The following SDHD variants were observed in gnomAD, a reference collection of about 807,000 sequenced individuals.
SDHD encodes the protein succinate dehydrogenase complex subunit D.
SDHD carries 6 observed loss-of-function variants against 18.7 expected under a neutral mutation model. The observed-to-expected ratio is 0.32, with a 90% CI of 0.18 to 0.63. The LOEUF (loss-of-function observed/expected upper bound fraction) is 0.63, where lower values mean the gene tolerates loss of function less well. SDHD is among the 30% of genes least tolerant of loss of function. The pLI, the probability that SDHD is intolerant of heterozygous loss-of-function variation, is 0.79. For missense variants in SDHD, 160 were observed against 192.7 expected (o/e 0.83, Z 1.00); for synonymous variants, 56 against 73.9 (o/e 0.76, Z 1.24).
At position 112,095,570 on chromosome 11, in the gene SDHD, G is replaced by T. The variant is rs1865827675; in HGVS notation, c.*600G>T. On this transcript the variant is annotated 3_prime_UTR_variant, in exon 4 of 4. Coordinates refer to ENST00000375549, the MANE Select transcript of SDHD (RefSeq NM_003002.4). Reference sequence around the variant, plus strand: ...CTGAATATACAGAAGTTCCATTTAAGGGCAAGTTTCCCTGTAGATGTATCA... The same window carrying T: ...CTGAATATACAGAAGTTCCATTTAATGGCAAGTTTCCCTGTAGATGTATCA... 3 of 231,036 alleles carry T rather than the reference G, an allele frequency of 1.3e-5. No homozygotes were observed. The South Asian group carries it at 5.4e-4, about 41-fold the overall frequency. 14.3% of individuals were successfully genotyped at this position (231,036 alleles called of 1,614,324 possible).
chr11:112,091,233 GGTCTT>G, intron 3 of SDHD: 1 of 301,484 alleles, frequency 3.3e-6, no homozygotes, highest in Non-Finnish European at 4.9e-6. Context: ...TATTAATTGG[GGTCTT>G]ATCCCAACTA....
At position 112,086,974 on chromosome 11, in the gene SDHD, C is replaced by T. The variant is rs1486681280; in HGVS notation, c.52+15C>T. 15 of 1,614,034 alleles carry T rather than the reference C, an allele frequency of 9.3e-6. No individual in the cohort carries two copies. Among genetic ancestry groups the T allele is most frequent in the Non-Finnish European group, 9.3e-6 (11 of 1,179,916 alleles). On this transcript the variant is annotated intron_variant, in intron 1 of 3. Coordinates refer to ENST00000375549, the MANE Select transcript of SDHD (RefSeq NM_003002.4). Reference sequence around the variant, plus strand: ...AGGAGGCCGAGGTGAGGGGTCTTCCCACCCTGAGGTGCTTAGCGTAGCCTC... The same window carrying T: ...AGGAGGCCGAGGTGAGGGGTCTTCCTACCCTGAGGTGCTTAGCGTAGCCTC...
In SDHD at chr11:112,095,244, A is replaced by G. The variant is rs930494606; in HGVS notation, c.*274A>G. ...GACTCACAGTATAACTAAACATGAT[A>G]TATCAGCTTTTGCCTTTCAATTTAT... On this transcript the variant is annotated 3_prime_UTR_variant, in exon 4 of 4. Coordinates refer to ENST00000375549, the MANE Select transcript of SDHD (RefSeq NM_003002.4). The G allele has an allele frequency of 1.9e-5, 9 of 472,554 alleles. No homozygotes were observed. The highest frequency in any genetic ancestry group is 1.5e-4 in the African/African-American group (8 of 51,806). 29.3% of individuals were successfully genotyped at this position (472,554 alleles called of 1,614,324 possible).
rs547347295 is a variant in SDHD, at chr11:112,091,099, C to A, written c.314+2088C>A. 119 of 980,736 alleles carry A rather than the reference C, an allele frequency of 1.2e-4. 1 individual carries two copies. In the South Asian group the frequency reaches 4.3e-3, roughly 35 times the overall value. 60.8% of individuals were successfully genotyped at this position (980,736 alleles called of 1,614,324 possible). ...CACAGACCTTTCCAAATAAAAGATT[C>A]CAGTTGCATATGAAATATTAGATCA... On this transcript the variant is annotated intron_variant, in intron 3 of 3. Coordinates refer to ENST00000375549, the MANE Select transcript of SDHD (RefSeq NM_003002.4).
At chr11:112,091,604 C>T (rs1275524649) in intron 3 of SDHD, among the ~76,000 whole-genome samples, 1 of 152,114 alleles carries the variant, frequency 6.6e-6, no homozygotes, top group East Asian at 1.9e-4. Flanking sequence ...GATAGTTATC[C>T]CAGATCTAAC....
At chr11:112,091,168 A>G (rs1865739185) in intron 3 of SDHD, 1 of 844,402 alleles carries the variant, frequency 1.2e-6, no homozygotes, top group African/African-American at 1.8e-5. Context: ...ATCCCTCTTG[A>G]AGGAGCTGTC....
At chr11:112,093,159 C>CCT in intron 3 of SDHD, 2 of 381,626 alleles carry the variant, frequency 5.2e-6, no homozygotes, top group South Asian at 1.8e-5. Flanking sequence ...CTCCGCCTTT[C>CCT]GGGTTCAAGC....
rs1259970180 is a variant in SDHD at position 112,095,617 on chromosome 11, G to A, written c.*647G>A. ...ATCAAAATACTACCAACTGTAAATT[G>A]AGATTTAATTCCCAAATGTATTCTA... On this transcript the variant is annotated 3_prime_UTR_variant, in exon 4 of 4. Transcript: ENST00000375549. The A allele has an allele frequency of 1.3e-5, 3 of 228,198 alleles. No individual in the cohort carries two copies. The highest frequency in any genetic ancestry group is 2.6e-5 in the Non-Finnish European group (3 of 115,242). 14.1% of individuals were successfully genotyped at this position (228,198 alleles called of 1,614,324 possible). A position where few individuals can be genotyped will look rare whatever the true frequency, so the allele number is the denominator to read the frequency against.
At chr11:112,089,142 A>T in intron 3 of SDHD, 131 bp downstream of exon 3, 3 of 858,580 alleles carry the variant, frequency 3.5e-6, no homozygotes, top group Non-Finnish European at 5.6e-6. Flanking sequence ...ATATATATAA[A>T]ATATGTATAT....
At chr11:112,090,025 G>C (rs1362464158) in intron 3 of SDHD, among the ~76,000 whole-genome samples, 1 of 152,042 alleles carries the variant, frequency 6.6e-6, no homozygotes, top group Middle Eastern at 3.2e-3. Flanking sequence ...CTAGAGCCTA[G>C]AACTACTCTC....
In SDHD at chr11:112,095,494, T is replaced by C. The variant is rs1233979683; in HGVS notation, c.*524T>C. 1 of 236,150 alleles carries C rather than the reference T, an allele frequency of 4.2e-6. No individual in the cohort carries two copies. The highest frequency in any genetic ancestry group is 2.2e-5 in the African/African-American group (1 of 45,296). The allele number at this position is 236,150 out of a possible 1,614,324, so 14.6% of individuals were successfully genotyped here. A position where few individuals can be genotyped will look rare whatever the true frequency, so the allele number is the denominator to read the frequency against. On this transcript the variant is annotated 3_prime_UTR_variant, in exon 4 of 4. Transcript: ENST00000375549. ...AAATTTTAAAATTAGGAAATGCTGA[T>C]AGCTCATATTATAAATTTCTAAATC...
In SDHD at chr11:112,095,032, C is replaced by T. The variant is rs748029236; in HGVS notation, c.*62C>T. On this transcript the variant is annotated 3_prime_UTR_variant, in exon 4 of 4. Transcript: ENST00000375549. ...CCTCTTTGCCTCTGCTTTGTCATGC[C>T]ATTAAGCTCACAATAAGGAAGAAAT... 7.5e-7 allele frequency: 1 copy of T among 1,336,458 alleles called. No individual in the cohort carries two copies. Among genetic ancestry groups the T allele is most frequent in the South Asian group, 1.2e-5 (1 of 85,098 alleles). The allele number at this position is 1,336,458 out of a possible 1,614,324, so 82.8% of individuals were successfully genotyped here.
In SDHD at chr11:112,095,691, T is replaced by G. The variant is rs1439458162; in HGVS notation, c.*721T>G. On this transcript the variant is annotated 3_prime_UTR_variant, in exon 4 of 4. Coordinates refer to ENST00000375549, the MANE Select transcript of SDHD (RefSeq NM_003002.4). ...CAAATATAAAACTATAAGTAATAAA[T>G]TGTTATTTTCGCACAATGGGAATCT... The G allele has an allele frequency of 9.1e-6, 2 of 220,688 alleles. No individual in the cohort carries two copies. The highest frequency in any genetic ancestry group is 4.5e-5 in the African/African-American group (2 of 44,764). 13.7% of individuals were successfully genotyped at this position (220,688 alleles called of 1,614,324 possible).
chr11:112,087,110 T>C, intron 1 of SDHD, 151 bp downstream of exon 1: 1 of 869,348 alleles, frequency 1.2e-6, no homozygotes, highest in Non-Finnish European at 1.9e-6. Context: ...GGGGTCCAGA[T>C]GTTTACCCGA....
In SDHD at chr11:112,086,953, G is replaced by C. The variant is rs1555186687; in HGVS notation, c.46G>C (p.Gly16Arg). Residue 16 changes from glycine to arginine, a missense_variant, in exon 1 of 4, where the codon GGC becomes CGC. Physicochemically the swap from Gly to Arg is moderately radical, Grantham distance 125. Transcript: ENST00000375549. Reference protein sequence around the residue: ...RLSAVCGALGGRALLLRTPVV... With the variant: ...RLSAVCGALGRRALLLRTPVV... Reference sequence around the variant, plus strand: ...GAGTGCCGTTTGCGGTGCCCTAGGAGGCCGAGGTGAGGGGTCTTCCCACCC... The same window carrying C: ...GAGTGCCGTTTGCGGTGCCCTAGGACGCCGAGGTGAGGGGTCTTCCCACCC... 3 of 1,614,190 alleles carry C rather than the reference G, an allele frequency of 1.9e-6. No individual in the cohort carries two copies. The highest frequency in any genetic ancestry group is 2.5e-6 in the Non-Finnish European group (3 of 1,180,032).
Position 112,087,897 on chromosome 11 carries a change from C to T in SDHD, c.93C>T (p.Ile31=), listed in dbSNP as rs766096986. The change falls in exon 2 of 4, where the codon ATC becomes ATT. Residue 31 remains isoleucine (I), a synonymous_variant. Transcript: ENST00000375549. ...CTCCAGTGGTCAGACCTGCTCATAT[C>T]TCAGCATTTCTTCAGGACCGACCTA... is the stretch of plus-strand genomic sequence containing the variant. ...LRTPVVRPAH[I]SAFLQDRPIP... The T allele has an allele frequency of 5.0e-6, 8 of 1,613,920 alleles. No individual in the cohort carries two copies. The Admixed American group carries it at 1.3e-4, about 27-fold the overall frequency.
intron 2 of SDHD, 107 bp downstream of exon 2, chr11:112,088,080 C>A (rs1161827435): frequency 1.8e-5 from 15 of 829,702 alleles, no homozygotes; most frequent in Admixed American, 6.8e-5. Context: ...ACTCTTGTGT[C>A]CAACTTTGTC....
chr11:112,090,696 T>G (rs1018719917), intron 3 of SDHD, among the ~76,000 whole-genome samples: 5 of 151,452 alleles, frequency 3.3e-5, no homozygotes, highest in Non-Finnish European at 7.4e-5. Context: ...TGTTAAAGAT[T>G]TTTTTTTTCT....
chr11:112,089,621 G>A (rs1207363375), intron 3 of SDHD, among the ~76,000 whole-genome samples: 1 of 149,600 alleles, frequency 6.7e-6, no homozygotes, highest in Admixed American at 6.8e-5. Context: ...CCTTGAACAT[G>A]CCAGGGACAT....
Sources: allele counts gnomAD v4.1 joint callset (sites outside exome capture counted in the v4.1 genomes callset), GRCh38; gene constraint gnomAD v4.1.1; transcripts MANE v1.5; gene names NCBI Gene and HGNC (gene_info 2026-07-23, HGNC 2026-07-21).